ZNF670: variants seen among roughly 807,000 people sequenced by gnomAD.
The protein encoded by ZNF670 is zinc finger protein 670.
Under a neutral mutation model 10.9 loss-of-function variants are expected in ZNF670, and 7 were observed. That is an observed-to-expected ratio of 0.64 (90% confidence interval 0.36 to 1.20). ZNF670 has a LOEUF of 1.20. Among genes scored for constraint, ZNF670 ranks in the 50% most tolerant of loss-of-function variants. The pLI is 0.02. For synonymous variants in ZNF670, 136 were observed against 152.7 expected (o/e 0.89, Z 0.81); for missense variants, 446 against 458.6 (o/e 0.97, Z 0.25).
intron 1 of ZNF670, among the ~76,000 whole-genome samples, chr1:247,045,286 G>T (rs1353028779): frequency 6.6e-6 from 1 of 152,294 alleles, no homozygotes; most frequent in South Asian, 2.1e-4. Context: ...ATACGGTTTG[G>T]CTGTGTGTTT....
chr1:247,059,996 G>A (rs1460162316), intron 1 of ZNF670, among the ~76,000 whole-genome samples: 1 of 152,080 alleles, frequency 6.6e-6, no homozygotes, highest in Non-Finnish European at 1.5e-5. Flanking sequence ...TGAATAAATG[G>A]AGAGATATTC....
chr1:247,037,311 T>G lies in ZNF670; in HGVS notation c.*138A>C. 9.4e-7 allele frequency: 1 copy of G among 1,069,366 alleles called. No homozygotes were observed. Among genetic ancestry groups the G allele is most frequent in the Non-Finnish European group, 1.3e-6 (1 of 783,362 alleles). The allele number at this position is 1,069,366 out of a possible 1,614,324, so 66.2% of individuals were successfully genotyped here. A position where few individuals can be genotyped will look rare whatever the true frequency, so the allele number is the denominator to read the frequency against. On this transcript the variant is annotated 3_prime_UTR_variant, in exon 4 of 4. Coordinates refer to ENST00000366503, the MANE Select transcript of ZNF670 (RefSeq NM_033213.5). ...AAGGGAACTAGGAAAATTGCATACATTCTAATCTTCCTTACATGTGTTGGG... is the reference window on the plus strand; with the variant it reads ...AAGGGAACTAGGAAAATTGCATACAGTCTAATCTTCCTTACATGTGTTGGG...
Position 247,037,121 on chromosome 1 carries a change from C to T in ZNF670, c.*328G>A, listed in dbSNP as rs938327890. ...TAAAGTATCTGTGAAATTCTCAGCT[C>T]CATGATTCCCTGCAAAAAACTGAAA... is the stretch of plus-strand genomic sequence containing the variant. On this transcript the variant is annotated 3_prime_UTR_variant, in exon 4 of 4. Coordinates refer to ENST00000366503, the MANE Select transcript of ZNF670 (RefSeq NM_033213.5). 2 of 215,682 alleles carry T rather than the reference C, an allele frequency of 9.3e-6. No individual in the cohort carries two copies. The highest frequency in any genetic ancestry group is 1.0e-4 in the Admixed American group (2 of 19,630). 13.4% of individuals were successfully genotyped at this position (215,682 alleles called of 1,614,324 possible).
chr1:247,072,798 G>GCA lies in ZNF670; in HGVS notation c.3+5795_3+5796insTG, dbSNP rs1553323532. Among the ~76,000 whole-genome samples, 28 of 19,054 alleles carry GCA rather than the reference G, an allele frequency of 1.5e-3. 1 individual carries two copies. The South Asian group carries it at 0.034, about 23-fold the overall frequency. The allele number at this position is 19,054 out of a possible 152,430, so 12.5% of individuals were successfully genotyped here. A position where few individuals can be genotyped will look rare whatever the true frequency, so the allele number is the denominator to read the frequency against. On this transcript the variant is annotated intron_variant, in intron 1 of 3. Transcript: ENST00000366503. ...ACGAAACTCTGTCTCAAAAAAAAAA[G>GCA]TGTGTGTATATATATATATATATAT...
intron 1 of ZNF670, among the ~76,000 whole-genome samples, chr1:247,077,041 T>G (rs887514603): frequency 1.3e-5 from 2 of 152,244 alleles, no homozygotes; most frequent in African/African-American, 4.8e-5. Context: ...TCCTTGTCCT[T>G]TGAGATAGTT....
chr1:247,043,717 T>C, intron 1 of ZNF670: 2 of 453,128 alleles, frequency 4.4e-6, no homozygotes, highest in Non-Finnish European at 8.6e-6. Context: ...AATCAATCAT[T>C]TACCGCAGAG....
At chr1:247,078,487 C>A in intron 1 of ZNF670, 107 bp downstream of exon 1, 1 of 1,433,144 alleles carries the variant, frequency 7.0e-7, no homozygotes, top group Non-Finnish European at 9.6e-7. Flanking sequence ...GGCCGCGAGG[C>A]GCCGGCGGAA....
Position 247,036,032 on chromosome 1 carries a change from T to C in ZNF670, c.*1417A>G, listed in dbSNP as rs1392826622. Among the ~76,000 whole-genome samples the C allele has an allele frequency of 2.0e-5, 3 of 152,200 alleles. No individual in the cohort carries two copies. The highest frequency in any genetic ancestry group is 4.4e-5 in the Non-Finnish European group (3 of 68,040). On this transcript the variant is annotated 3_prime_UTR_variant, in exon 4 of 4. Coordinates refer to ENST00000366503, the MANE Select transcript of ZNF670 (RefSeq NM_033213.5). Reference sequence around the variant, plus strand: ...CTGGGGTTTACAGATGTTCAACCTGTAGATAAAATACTTATATTCCATGAT... The same window carrying C: ...CTGGGGTTTACAGATGTTCAACCTGCAGATAAAATACTTATATTCCATGAT...
At chr1:247,063,463 G>A (rs1670907730) in intron 1 of ZNF670, among the ~76,000 whole-genome samples, 1 of 151,242 alleles carries the variant, frequency 6.6e-6, no homozygotes, top group South Asian at 2.1e-4. Context: ...GGCGCCTGTA[G>A]TCCCAGCTAC....
In ZNF670 at chr1:247,043,085, T is replaced by C. The variant is rs575086633; in HGVS notation, c.4-3548A>G. 7 of 1,127,908 alleles carry C rather than the reference T, an allele frequency of 6.2e-6. No homozygotes were observed. The East Asian group carries it at 1.9e-4, about 30-fold the overall frequency. 69.9% of individuals were successfully genotyped at this position (1,127,908 alleles called of 1,614,324 possible). A position where few individuals can be genotyped will look rare whatever the true frequency, so the allele number is the denominator to read the frequency against. ...CACAATACAGTGAGGCTGGGAGCTT[T>C]CCAGGCTCAGGAAAAAGAACTGGTG... On this transcript the variant is annotated intron_variant, in intron 1 of 3. Coordinates refer to ENST00000366503, the MANE Select transcript of ZNF670 (RefSeq NM_033213.5).
At position 247,078,588 on chromosome 1, in the gene ZNF670, A is replaced by G; in HGVS notation, c.3+6T>C. On this transcript the variant is annotated splice_donor_region_variant and intron_variant, in intron 1 of 3. Transcript: ENST00000366503. ...CCTTCCCGAGACACCTGGCCGGCAC[A>G]CTCACCATTTCCCAGTCTCCGGTGT... is the stretch of plus-strand genomic sequence containing the variant. 2 of 1,613,212 alleles carry G rather than the reference A, an allele frequency of 1.2e-6. No homozygotes were observed. Among genetic ancestry groups the G allele is most frequent in the South Asian group, 1.1e-5 (1 of 91,020 alleles).
intron 1 of ZNF670, 22 bp downstream of exon 1, chr1:247,078,572 G>A (rs1241451605): frequency 1.2e-6 from 2 of 1,613,756 alleles, no homozygotes; most frequent in Non-Finnish European, 1.7e-6. Context: ...CCCTTCCCGA[G>A]ACACCTGGCC....
intron 1 of ZNF670, among the ~76,000 whole-genome samples, chr1:247,065,756 T>C (rs941100940): frequency 2.0e-5 from 3 of 152,118 alleles, no homozygotes; most frequent in African/African-American, 4.8e-5. Flanking sequence ...AAAAAGTATA[T>C]ACAGTCACAT....
intron 1 of ZNF670, among the ~76,000 whole-genome samples, chr1:247,058,073 A>C (rs2103063947): frequency 6.6e-6 from 1 of 152,350 alleles, no homozygotes; most frequent in South Asian, 2.1e-4. Flanking sequence ...TATGCATTGC[A>C]TGCCCGTATC....
At chr1:247,046,033 A>C (rs1450975894) in intron 1 of ZNF670, among the ~76,000 whole-genome samples, 1 of 152,196 alleles carries the variant, frequency 6.6e-6, no homozygotes, top group African/African-American at 2.4e-5. Context: ...CTCCAGAGGA[A>C]GACATTTCTA....
intron 3 of ZNF670, 73 bp from the exon 4 acceptor site, chr1:247,038,500 G>C (rs971450011): frequency 1.4e-6 from 2 of 1,429,250 alleles, no homozygotes; most frequent in South Asian, 2.8e-5. Context: ...CATGGAAAAT[G>C]CAAGTTTCCT....
chr1:247,071,521 T>C (rs77514193), intron 1 of ZNF670, among the ~76,000 whole-genome samples: 3,275 of 152,334 alleles, frequency 0.021, 127 homozygotes, highest in African/African-American at 0.073. Context: ...TTGGTTACTA[T>C]GTTCACCACC....
In ZNF670 at chr1:247,039,543, A is replaced by C. The variant is rs777437758; in HGVS notation, c.4-6T>G. On this transcript the variant is annotated splice_polypyrimidine_tract_variant and splice_region_variant and intron_variant, in intron 1 of 3. Transcript: ENST00000366503. ...TCTTCAAATGACACTGAATCCTAGA[A>C]TATCGCACATATGTGGAGAGGAGGA... The C allele has an allele frequency of 1.9e-6, 3 of 1,578,588 alleles. No individual in the cohort carries two copies. Among genetic ancestry groups the C allele is most frequent in the South Asian group, 2.3e-5 (2 of 85,544 alleles).
At chr1:247,067,501 C>T (rs1671011493) in intron 1 of ZNF670, among the ~76,000 whole-genome samples, 1 of 150,066 alleles carries the variant, frequency 6.7e-6, no homozygotes, top group Non-Finnish European at 1.5e-5. Context: ...CCCACAAGCA[C>T]AGGCAACCAA....
Sources: allele counts gnomAD v4.1 joint callset (sites outside exome capture counted in the v4.1 genomes callset), GRCh38; gene constraint gnomAD v4.1.1; transcripts MANE v1.5; gene names NCBI Gene and HGNC (gene_info 2026-07-23, HGNC 2026-07-21).